Variants in PARP8 observed in about 807,000 individuals in gnomAD.
PARP8 encodes the protein poly(ADP-ribose) polymerase family member 8.
PARP8 carries 51 observed loss-of-function variants against 124.1 expected under a neutral mutation model. The ratio of observed to expected loss-of-function variants is 0.41; its 90% CI spans 0.33 to 0.52. The LOEUF (loss-of-function observed/expected upper bound fraction) is 0.52, where lower values mean the gene tolerates loss of function less well. PARP8 is among the 20% of genes least tolerant of loss of function. The pLI, the probability that PARP8 is intolerant of heterozygous loss-of-function variation, is 0.21. For synonymous variants in PARP8, 391 were observed against 361.5 expected, an observed-to-expected ratio of 1.08 and a Z score of -0.93; for missense variants, 860 against 1,018.9, an observed-to-expected ratio of 0.84 and a Z score of 2.12.
At chr5:50,693,035 A>G (rs1752660453) in intron 2 of PARP8, among the ~76,000 whole-genome samples, 1 of 152,180 alleles carries the variant, frequency 6.6e-6, no homozygotes, top group Non-Finnish European at 1.5e-5. Context: ...GGAATTCTTC[A>G]TATAAGTTAA....
intron 3 of PARP8, among the ~76,000 whole-genome samples, chr5:50,756,927 T>C (rs146783074): frequency 5.8e-4 from 89 of 152,318 alleles, no homozygotes; most frequent in African/African-American, 2.0e-3. Context: ...AGTATTTATC[T>C]TTCTGTGTTG....
intron 2 of PARP8, among the ~76,000 whole-genome samples, chr5:50,684,166 AGAT>A (rs1428147903): frequency 1.3e-5 from 2 of 152,216 alleles, no homozygotes; most frequent in African/African-American, 4.8e-5. Flanking sequence ...AAGTGAAAGT[AGAT>A]AAATTCATAT....
chr5:50,739,658 A>G (rs1757823380), intron 2 of PARP8, among the ~76,000 whole-genome samples: 1 of 149,858 alleles, frequency 6.7e-6, no homozygotes, highest in African/African-American at 2.4e-5. Context: ...TTATTTACAC[A>G]ATAATTTTGT....
At chr5:50,702,860 A>C (rs1244922017) in intron 2 of PARP8, among the ~76,000 whole-genome samples, 3 of 152,156 alleles carry the variant, frequency 2.0e-5, no homozygotes, top group African/African-American at 7.2e-5. Flanking sequence ...TAATTCTCCT[A>C]TCGTTCCTTA....
At chr5:50,749,216 C>T (rs910190315) in intron 2 of PARP8, among the ~76,000 whole-genome samples, 1 of 152,088 alleles carries the variant, frequency 6.6e-6, no homozygotes, top group African/African-American at 2.4e-5. Context: ...TAGATTCTGT[C>T]TTCTATATGT....
intron 9 of PARP8, among the ~76,000 whole-genome samples, chr5:50,780,544 T>C (rs914867050): frequency 6.6e-6 from 1 of 152,162 alleles, no homozygotes; most frequent in African/African-American, 2.4e-5. Flanking sequence ...CTTTAAAGAT[T>C]TTTTACATTT....
chr5:50,805,120 G>A (rs1237006334), intron 14 of PARP8, among the ~76,000 whole-genome samples: 1 of 152,122 alleles, frequency 6.6e-6, no homozygotes, highest in Non-Finnish European at 1.5e-5. Context: ...AGAGGTGGAA[G>A]TTTGGGTTCC....
chr5:50,738,701 G>T (rs1482594247), intron 2 of PARP8, among the ~76,000 whole-genome samples: 1 of 110,984 alleles, frequency 9.0e-6, no homozygotes, highest in East Asian at 2.7e-4. Flanking sequence ...TAATGCTAAA[G>T]AAAGCTGATA....
chr5:50,765,726 C>T (rs1691482440), intron 7 of PARP8, among the ~76,000 whole-genome samples: 1 of 152,160 alleles, frequency 6.6e-6, no homozygotes, highest in South Asian at 2.1e-4. Flanking sequence ...AAAGGTGAAT[C>T]ACAGCAGGAC....
At chr5:50,711,092 G>A (rs1450030933) in intron 2 of PARP8, among the ~76,000 whole-genome samples, 3 of 152,110 alleles carry the variant, frequency 2.0e-5, no homozygotes, top group Non-Finnish European at 2.9e-5. Context: ...CTGTAAAATA[G>A]CATCTTGATT....
intron 10 of PARP8, among the ~76,000 whole-genome samples, chr5:50,790,692 A>G (rs78125473): frequency 2.0e-5 from 3 of 152,330 alleles, no homozygotes; most frequent in East Asian, 1.9e-4. Flanking sequence ...AATCATGTAT[A>G]TAATCCCAAC....
rs191593226 is a variant in PARP8, at chr5:50,736,146, C to T, written c.147-14005C>T. On this transcript the variant is annotated intron_variant, in intron 2 of 25. Coordinates refer to ENST00000281631, the MANE Select transcript of PARP8 (RefSeq NM_024615.4). ...AATCAATGAACCAAGAAACCTCCCC[C>T]CACCCACCGAAAGCATACCCTGCAA... Among the ~76,000 whole-genome samples the T allele has an allele frequency of 7.2e-5, 11 of 152,066 alleles. No homozygotes were observed. In the East Asian group the frequency reaches 2.1e-3, roughly 29 times the overall value.
intron 10 of PARP8, among the ~76,000 whole-genome samples, chr5:50,793,363 T>G (rs1742173996): frequency 6.6e-6 from 1 of 152,196 alleles, no homozygotes; most frequent in Admixed American, 6.5e-5. Context: ...GTATTAGTGT[T>G]GAGGGCCACT....
At chr5:50,683,144 T>G (rs930154882) in intron 2 of PARP8, among the ~76,000 whole-genome samples, 1 of 152,172 alleles carries the variant, frequency 6.6e-6, no homozygotes, top group Non-Finnish European at 1.5e-5. Flanking sequence ...GGGGCTCTAA[T>G]TGGAAGCCCT....
chr5:50,709,375 G>T (rs1412046636), intron 2 of PARP8, among the ~76,000 whole-genome samples: 1 of 151,322 alleles, frequency 6.6e-6, no homozygotes, highest in Non-Finnish European at 1.5e-5. Flanking sequence ...AGAGCATTTT[G>T]TTCTTGTTTC....
At chr5:50,774,248 A>G (rs1170330949) in intron 7 of PARP8, among the ~76,000 whole-genome samples, 1 of 152,104 alleles carries the variant, frequency 6.6e-6, no homozygotes, top group South Asian at 2.1e-4. Flanking sequence ...TTCTACACAG[A>G]CACGGTAACA....
chr5:50,834,695 G>A, intron 24 of PARP8: 1 of 511,880 alleles, frequency 2.0e-6, no homozygotes, highest in Non-Finnish European at 3.5e-6. Context: ...GTAATACTTA[G>A]ATGAGTCCCT....
At chr5:50,723,115 A>C (rs1756067101) in intron 2 of PARP8, among the ~76,000 whole-genome samples, 1 of 152,164 alleles carries the variant, frequency 6.6e-6, no homozygotes, top group African/African-American at 2.4e-5. Context: ...TTTACATGCA[A>C]ATAGTAGTAG....
At chr5:50,811,751 G>A (rs1397304274) in intron 14 of PARP8, among the ~76,000 whole-genome samples, 2 of 151,794 alleles carry the variant, frequency 1.3e-5, no homozygotes, top group Non-Finnish European at 2.9e-5. Context: ...CCTCCACCCT[G>A]CAACAAGCCC....
Sources: gnomAD v4.1 joint callset for allele counts (sites outside exome capture counted in the v4.1 genomes callset) on GRCh38, gnomAD v4.1.1 for gene constraint, MANE v1.5 for transcripts, NCBI Gene and HGNC (gene_info 2026-07-23, HGNC 2026-07-21) for gene names.